The following NALF1 variants were observed in gnomAD, a reference collection of about 807,000 sequenced individuals.
NALF1 encodes family with sequence similarity 155 member A.
In NALF1, 3 loss-of-function variants were observed where a neutral mutation model predicts 48.4. The observed-to-expected ratio is 0.06, with a 90% CI of 0.03 to 0.16. The LOEUF (loss-of-function observed/expected upper bound fraction) is 0.16, where lower values mean the gene tolerates loss of function less well. Ranked by LOEUF, NALF1 falls within the 10% of genes least tolerant of loss-of-function variation. NALF1 has a pLI of 1.00. For missense variants in NALF1, 526 were observed against 571.5 expected (o/e 0.92, Z 0.81); for synonymous variants, 262 against 245.7 (o/e 1.07, Z -0.62).
At chr13:107,188,289 A>C (rs72664788) in intron 2 of NALF1, among the ~76,000 whole-genome samples, 26,472 of 152,126 alleles carry the variant, frequency 0.17, 2,921 homozygotes, top group African/African-American at 0.31. Context: ...TAAAAACATC[A>C]TCAGGATCCA....
chr13:107,377,202 G>C (rs755576430), intron 1 of NALF1, among the ~76,000 whole-genome samples: 2 of 152,288 alleles, frequency 1.3e-5, no homozygotes, highest in Non-Finnish European at 2.9e-5. Context: ...ACCCGGTGCT[G>C]ATCAAAAATG....
At chr13:107,592,528 G>A (rs538242516) in intron 1 of NALF1, among the ~76,000 whole-genome samples, 65 of 151,922 alleles carry the variant, frequency 4.3e-4, no homozygotes, top group Non-Finnish European at 8.7e-4. Context: ...GGAAGTACTG[G>A]CATAAAACTG....
intron 1 of NALF1, among the ~76,000 whole-genome samples, chr13:107,271,520 G>C (rs924599697): frequency 3.3e-5 from 5 of 152,012 alleles, no homozygotes; most frequent in Non-Finnish European, 5.9e-5. Context: ...TAGACGACTG[G>C]GGCTGCAGAG....
intron 1 of NALF1, among the ~76,000 whole-genome samples, chr13:107,619,907 A>G (rs902748668): frequency 3.9e-5 from 6 of 152,216 alleles, no homozygotes; most frequent in Admixed American, 2.0e-4. Context: ...TAAAAATTTT[A>G]GAAACTTGAA....
intron 1 of NALF1, among the ~76,000 whole-genome samples, chr13:107,492,082 G>A (rs1317381892): frequency 2.4e-5 from 3 of 124,522 alleles, no homozygotes; most frequent in African/African-American, 9.7e-5. Flanking sequence ...TCACTCTGTC[G>A]CCCAGGCTGG....
intron 1 of NALF1, among the ~76,000 whole-genome samples, chr13:107,215,697 A>G (rs1175607098): frequency 2.0e-5 from 3 of 152,142 alleles, no homozygotes; most frequent in Non-Finnish European, 4.4e-5. Flanking sequence ...CGGGACCAGG[A>G]TCACCATGGT....
intron 1 of NALF1, among the ~76,000 whole-genome samples, chr13:107,275,377 G>A (rs1380373254): frequency 1.3e-5 from 2 of 152,026 alleles, no homozygotes; most frequent in African/African-American, 4.8e-5. Flanking sequence ...GGTGAGACAG[G>A]CAAAGTCAAA....
At position 107,519,026 on chromosome 13, in the gene NALF1, C is replaced by T. The variant is rs754341798; in HGVS notation, c.916-308271G>A. On this transcript the variant is annotated intron_variant, in intron 1 of 2. Coordinates refer to ENST00000375915, the MANE Select transcript of NALF1 (RefSeq NM_001080396.3). ...GCGCAACACTCAGAGGATGTGCATC[C>T]GAGTCAGCCTTCAGGTGGGAACTTG... Among the ~76,000 whole-genome samples, 7 of 152,230 alleles carry T rather than the reference C, an allele frequency of 4.6e-5. No homozygotes were observed. In the South Asian group the frequency reaches 1.2e-3, roughly 27 times the overall value.
At chr13:107,349,899 G>T (rs757133739) in intron 1 of NALF1, among the ~76,000 whole-genome samples, 1 of 152,062 alleles carries the variant, frequency 6.6e-6, no homozygotes, top group Non-Finnish European at 1.5e-5. Context: ...ACCAGGAACC[G>T]ACTTCATGGA....
intron 1 of NALF1, among the ~76,000 whole-genome samples, chr13:107,614,444 T>C (rs1351074893): frequency 2.6e-5 from 4 of 152,192 alleles, no homozygotes; most frequent in Admixed American, 2.6e-4. Context: ...TTGTGTGATC[T>C]TAGGCAAGTC....
At chr13:107,727,035 C>T (rs1876177703) in intron 1 of NALF1, among the ~76,000 whole-genome samples, 1 of 147,524 alleles carries the variant, frequency 6.8e-6, no homozygotes, top group African/African-American at 2.5e-5. Flanking sequence ...TGGTCTCGAA[C>T]TCCTGACCTC....
chr13:107,406,924 A>T (rs1883909815), intron 1 of NALF1, among the ~76,000 whole-genome samples: 1 of 152,126 alleles, frequency 6.6e-6, no homozygotes. Context: ...ACAGACACAT[A>T]TATCAGTGAA....
intron 2 of NALF1, among the ~76,000 whole-genome samples, chr13:107,177,193 T>C (rs1379932504): frequency 6.6e-6 from 1 of 151,958 alleles, no homozygotes; most frequent in Non-Finnish European, 1.5e-5. Context: ...GTAAAAACTA[T>C]GCAACATTGA....
chr13:107,530,343 C>T (rs970394958), intron 1 of NALF1, among the ~76,000 whole-genome samples: 1 of 152,116 alleles, frequency 6.6e-6, no homozygotes, highest in African/African-American at 2.4e-5. Flanking sequence ...CCTATATCCA[C>T]CACTAGCATG....
chr13:107,714,697 G>A (rs759612154), intron 1 of NALF1, among the ~76,000 whole-genome samples: 3 of 149,856 alleles, frequency 2.0e-5, no homozygotes, highest in Non-Finnish European at 4.4e-5. Context: ...TTTTGTTTGT[G>A]CTCTGTTTTG....
chr13:107,350,692 G>A (rs1415212067), intron 1 of NALF1, among the ~76,000 whole-genome samples: 3 of 152,140 alleles, frequency 2.0e-5, no homozygotes, highest in Non-Finnish European at 2.9e-5. Context: ...TTTCCTGAGC[G>A]TTTCCTTACT....
intron 1 of NALF1, among the ~76,000 whole-genome samples, chr13:107,682,696 A>C (rs977627196): frequency 6.6e-6 from 1 of 151,896 alleles, no homozygotes; most frequent in Non-Finnish European, 1.5e-5. Flanking sequence ...CTGAACTACA[A>C]GTTCTGCGAG....
chr13:107,773,828 T>C (rs1008607626), intron 1 of NALF1, among the ~76,000 whole-genome samples: 4 of 151,856 alleles, frequency 2.6e-5, no homozygotes, highest in Admixed American at 6.6e-5. Flanking sequence ...TGTATACATA[T>C]GTAACAAACC....
intron 2 of NALF1, among the ~76,000 whole-genome samples, chr13:107,187,877 A>T (rs147342511): frequency 6.6e-6 from 1 of 152,070 alleles, no homozygotes; most frequent in Non-Finnish European, 1.5e-5. Flanking sequence ...TAAAGTATCA[A>T]TTCAGTTCTA....
Sources: allele counts gnomAD v4.1 joint callset (sites outside exome capture counted in the v4.1 genomes callset), GRCh38; gene constraint gnomAD v4.1.1; transcripts MANE v1.5; gene names NCBI Gene and HGNC (gene_info 2026-07-23, HGNC 2026-07-21).